Variants in RHNO1 observed in about 807,000 individuals in gnomAD.
The protein encoded by RHNO1 is RAD9-HUS1-RAD1 interacting nuclear orphan 1.
RHNO1 carries 9 observed loss-of-function variants against 7.2 expected under a neutral mutation model. The ratio of observed to expected loss-of-function variants is 1.25; its 90% CI spans 0.75 to 2.18. RHNO1 has a LOEUF of 2.18. Ranked by LOEUF, RHNO1 falls within the 30% of genes most tolerant of loss-of-function variation. RHNO1 has a pLI of 0.00. For missense variants in RHNO1, 292 were observed against 284.5 expected, an observed-to-expected ratio of 1.03 and a Z score of -0.19; for synonymous variants, 95 against 107.5, an observed-to-expected ratio of 0.88 and a Z score of 0.72.
intron 1 of RHNO1, among the ~76,000 whole-genome samples, chr12:2,884,588 C>T (rs776676562): frequency 6.6e-6 from 1 of 151,354 alleles, no homozygotes; most frequent in South Asian, 2.1e-4. Context: ...GTCTCAAACT[C>T]CTGACCTCAG....
chr12:2,883,077 A>AC (rs754157830), intron 1 of RHNO1, among the ~76,000 whole-genome samples: 3 of 150,964 alleles, frequency 2.0e-5, no homozygotes, highest in African/African-American at 7.3e-5. Flanking sequence ...AAAAAAAAAA[A>AC]AAAAAAAACA....
Position 2,885,508 on chromosome 12 carries a change from A to G in RHNO1, c.142A>G (p.Ile48Val), listed in dbSNP as rs2098164318. The change falls in exon 2 of 3, where the codon ATT (isoleucine) becomes GTT (valine). Residue 48 changes from isoleucine (I) to valine (V), a missense_variant. Physicochemically the swap from Ile to Val is conservative, Grantham distance 29 (BLOSUM62 3). Transcript: ENST00000489288. ...CACTCGACAGGTGCCCAGCAAGCCC[A>G]TTGACCACAGCACCATCACTTCCTG... Reference protein sequence around the residue: ...THTRQVPSKPIDHSTITSWVS... With the variant: ...THTRQVPSKPVDHSTITSWVS... The G allele has an allele frequency of 1.2e-6, 2 of 1,605,082 alleles. No individual in the cohort carries two copies. Among genetic ancestry groups the G allele is most frequent in the Non-Finnish European group, 1.7e-6 (2 of 1,176,426 alleles).
rs1264599883 is a variant in RHNO1 at position 2,877,270 on chromosome 12, C to T, written c.-97C>T. On this transcript the variant is annotated 5_prime_UTR_variant, in exon 1 of 3. Transcript: ENST00000489288. Reference sequence around the variant, plus strand: ...GGTCTGCCAGGAGCTGCGGCCCCGTCCGGCCCGGGCTGGTAAGGCGGACCG... The same window carrying T: ...GGTCTGCCAGGAGCTGCGGCCCCGTTCGGCCCGGGCTGGTAAGGCGGACCG... 1 of 152,246 alleles carries T rather than the reference C, an allele frequency of 6.6e-6. No individual in the cohort carries two copies. The highest frequency in any genetic ancestry group is 1.5e-5 in the Non-Finnish European group (1 of 68,048). The allele number at this position is 152,246 out of a possible 1,614,324, so 9.4% of individuals were successfully genotyped here.
chr12:2,885,337 GGTTACT>G lies in RHNO1; in HGVS notation c.-29_-24del, dbSNP rs2098163945. 5 of 1,602,400 alleles carry G rather than the reference GGTTACT, an allele frequency of 3.1e-6. No individual in the cohort carries two copies. Among genetic ancestry groups the G allele is most frequent in the Non-Finnish European group, 3.4e-6 (4 of 1,173,944 alleles). ...AACCCGAAGGCTAACAGCATCATGT[GGTTACT>G]AACTGTTCCTCATTCACCGGTTGAT... On this transcript the variant is annotated 5_prime_UTR_variant, in exon 2 of 3. The change creates a premature stop within an existing upstream ORF in the 5' untranslated region. Transcript: ENST00000489288.
chr12:2,885,947 T>C (rs1603503275), intron 2 of RHNO1: 1 of 76,862 alleles, frequency 1.3e-5, no homozygotes, highest in Non-Finnish European at 2.4e-5. Context: ...ACTTTTACTC[T>C]GTTAGGTTTT....
intron 2 of RHNO1, among the ~76,000 whole-genome samples, chr12:2,886,485 T>C (rs1159734040): frequency 6.6e-6 from 1 of 151,762 alleles, no homozygotes; most frequent in Non-Finnish European, 1.5e-5. Context: ...ACCCCATCTT[T>C]ACTAAAAATA....
chr12:2,881,016 A>C (rs2098156871), intron 1 of RHNO1, among the ~76,000 whole-genome samples: 1 of 152,086 alleles, frequency 6.6e-6, no homozygotes, highest in Non-Finnish European at 1.5e-5. Context: ...TACCCATTTG[A>C]AGCTGATGAC....
rs150180606 is a variant in RHNO1 at position 2,888,183 on chromosome 12, C to T, written c.441C>T (p.Ser147=). 1.2e-6 allele frequency: 2 copies of T among 1,614,158 alleles called. No homozygotes were observed. The highest frequency in any genetic ancestry group is 1.3e-5 in the African/African-American group (1 of 75,048). ...ACATGTCAGTGCAGGCACTTCAGAG[C>T]TTACCTTATGTGTTCATTCCACCTG... ...CGNMSVQALQ[S]LPYVFIPPDI... is the part of the protein sequence containing the mutation. The change falls in exon 3 of 3, where the codon AGC becomes AGT. Residue 147 remains serine, a synonymous_variant. Transcript: ENST00000489288.
In RHNO1 at chr12:2,888,889, T is replaced by G. The variant is rs770203914; in HGVS notation, c.*430T>G. On this transcript the variant is annotated 3_prime_UTR_variant, in exon 3 of 3. Coordinates refer to ENST00000489288, the MANE Select transcript of RHNO1 (RefSeq NM_001252499.3). Reference sequence around the variant, plus strand: ...TATTCACTTCATATTTTTCTTGTATTAACTGTTTAAATTTTTAAAATATCT... The same window carrying G: ...TATTCACTTCATATTTTTCTTGTATGAACTGTTTAAATTTTTAAAATATCT... 2 of 153,940 alleles carry G rather than the reference T, an allele frequency of 1.3e-5. No homozygotes were observed. The highest frequency in any genetic ancestry group is 2.9e-5 in the Non-Finnish European group (2 of 69,300). 9.5% of individuals were successfully genotyped at this position (153,940 alleles called of 1,614,324 possible).
rs145733432 is a variant in RHNO1 at position 2,888,230 on chromosome 12, C to T, written c.488C>T (p.Ser163Leu). Residue 163 changes from serine to leucine, a missense_variant, in exon 3 of 3, where the codon TCG becomes TTG. Physicochemically the swap from Ser to Leu is moderately radical, Grantham distance 145 (BLOSUM62 -2). Coordinates refer to ENST00000489288, the MANE Select transcript of RHNO1 (RefSeq NM_001252499.3). ...CCTGATATCCAGACCCCAGAGTCAT[C>T]GTCTGTGAAGGAAGAACTCATTCCC... Reference protein sequence around the residue: ...IPPDIQTPESSSVKEELIPQD... With the variant: ...IPPDIQTPESLSVKEELIPQD... 6.2e-5 allele frequency: 100 copies of T among 1,614,084 alleles called. 2 individuals carry two copies. The African/African-American group carries it at 1.0e-3, about 17-fold the overall frequency.
chr12:2,888,524 T>G lies in RHNO1; in HGVS notation c.*65T>G, dbSNP rs181653990. 4 of 1,426,572 alleles carry G rather than the reference T, an allele frequency of 2.8e-6. No homozygotes were observed. The Admixed American group carries it at 1.0e-4, about 36-fold the overall frequency. 88.4% of individuals were successfully genotyped at this position (1,426,572 alleles called of 1,614,324 possible). A position where few individuals can be genotyped will look rare whatever the true frequency, so the allele number is the denominator to read the frequency against. On this transcript the variant is annotated 3_prime_UTR_variant, in exon 3 of 3. Transcript: ENST00000489288. ...TGGAGTCATAAAGGAATTCAATTCC[T>G]AGGGTTTTTGTTTTTGTTTTTGAGA...
Position 2,887,979 on chromosome 12 carries a change from G to A in RHNO1, c.237G>A (p.Ala79=), listed in dbSNP as rs139650702. The A allele has an allele frequency of 2.7e-5, 44 of 1,613,310 alleles. 1 individual carries two copies. The highest frequency in any genetic ancestry group is 1.6e-4 in the Middle Eastern group (1 of 6,084). The change falls in exon 3 of 3, where the codon GCG becomes GCA. Residue 79 remains alanine (A), a synonymous_variant. Coordinates refer to ENST00000489288, the MANE Select transcript of RHNO1 (RefSeq NM_001252499.3). ...CCTACCAGAAACACCAAAACCGGGC[G>A]AGACACTCAAGTCGAAAACCTACCA... is the stretch of plus-strand genomic sequence containing the variant. ...FPAYQKHQNR[A]RHSSRKPTTS...
upstream of RHNO1, chr12:2,876,618 T>C (rs1364436549): frequency 6.6e-6 from 1 of 152,332 alleles, no homozygotes; most frequent in East Asian, 1.9e-4. Context: ...AATCTCAGTC[T>C]TCATCTCAGC....
chr12:2,885,560 C>CTTTTTTTTTTTTTTTTTTTTTTTTT lies in RHNO1; in HGVS notation c.168+26_168+27insTTTTTTTTTTTTTTTTTTTTTTTTT. ...GTAGGCCCATGGGATTACTATTTGA[C>CTTTTTTTTTTTTTTTTTTTTTTTTT]ATTTTTTTTTTTTTTTTTTTTTTTT... On this transcript the variant is annotated intron_variant, in intron 2 of 2. Coordinates refer to ENST00000489288, the MANE Select transcript of RHNO1 (RefSeq NM_001252499.3). 2.9e-6 allele frequency: 2 copies of CTTTTTTTTTTTTTTTTTTTTTTTTT among 690,092 alleles called. 1 individual carries two copies. The highest frequency in any genetic ancestry group is 4.7e-5 in the African/African-American group (2 of 42,406). The allele number at this position is 690,092 out of a possible 1,614,324, so 42.7% of individuals were successfully genotyped here.
intron 1 of RHNO1, among the ~76,000 whole-genome samples, chr12:2,884,165 A>T (rs2098162552): frequency 1.3e-5 from 2 of 151,232 alleles, no homozygotes; most frequent in South Asian, 4.1e-4. Flanking sequence ...GGTTCAAGCG[A>T]TTCTCCTGCC....
intron 2 of RHNO1, among the ~76,000 whole-genome samples, chr12:2,887,388 G>A (rs1289363859): frequency 2.0e-5 from 3 of 149,600 alleles, no homozygotes; most frequent in African/African-American, 7.4e-5. Context: ...TTAGGCAGCA[G>A]AATCGCTTGC....
chr12:2,880,836 T>A (rs12822487), intron 1 of RHNO1, among the ~76,000 whole-genome samples: 70,595 of 151,550 alleles, frequency 0.47, 18,039 homozygotes, highest in African/African-American at 0.66. Context: ...ACGAGGTCTC[T>A]CTATGTTGCC....
upstream of RHNO1, chr12:2,876,838 GCCCTGACCTCCGC>G (rs2098145452): frequency 6.5e-6 from 1 of 152,828 alleles, no homozygotes; most frequent in African/African-American, 2.4e-5. Context: ...GCTGCTAGAC[GCCCTGACCTCCGC>G]GCCCGGAGGC....
intron 1 of RHNO1, among the ~76,000 whole-genome samples, chr12:2,884,866 C>A (rs889128833): frequency 6.6e-6 from 1 of 152,162 alleles, no homozygotes; most frequent in East Asian, 1.9e-4. Context: ...CTATGCCTTT[C>A]ATACCTAGGT....
Sources: gnomAD v4.1 joint callset for allele counts (sites outside exome capture counted in the v4.1 genomes callset) on GRCh38, gnomAD v4.1.1 for gene constraint, MANE v1.5 for transcripts, NCBI Gene and HGNC (gene_info 2026-07-23, HGNC 2026-07-21) for gene names.